Variants in ZNF620 observed in about 807,000 individuals in gnomAD.
ZNF620 encodes the protein zinc finger protein 620.
ZNF620 carries 10 observed loss-of-function variants against 13.3 expected under a neutral mutation model. The ratio of observed to expected loss-of-function variants is 0.75; its 90% CI spans 0.46 to 1.28. The LOEUF is 1.28. Ranked by LOEUF, ZNF620 falls within the 50% of genes most tolerant of loss-of-function variation. The pLI, the probability that ZNF620 is intolerant of heterozygous loss-of-function variation, is 0.00. For synonymous variants in ZNF620, 166 were observed against 177.6 expected, an observed-to-expected ratio of 0.93 and a Z score of 0.52; for missense variants, 461 against 500.2, an observed-to-expected ratio of 0.92 and a Z score of 0.75.
intron 3 of ZNF620, 40 bp from the exon 4 acceptor site, chr3:40,512,362 G>C: frequency 1.3e-6 from 2 of 1,572,212 alleles, no homozygotes; most frequent in Non-Finnish European, 1.7e-6. Context: ...CCTGGTTCCT[G>C]ATTCCCCTTA....
At chr3:40,513,319 AT>A (rs61610948) in intron 4 of ZNF620, among the ~76,000 whole-genome samples, 1,087 of 94,642 alleles carry the variant, frequency 0.011, 12 homozygotes, top group South Asian at 0.015. Flanking sequence ...AAAAAAAAAT[AT>A]ATATATATAT....
intron 4 of ZNF620, among the ~76,000 whole-genome samples, chr3:40,514,815 T>C (rs1358537717): frequency 6.6e-6 from 1 of 152,166 alleles, no homozygotes; most frequent in Non-Finnish European, 1.5e-5. Context: ...TTTTAATCTT[T>C]CTTATTCTGC....
chr3:40,517,005 C>A lies in ZNF620; in HGVS notation c.*142C>A. The A allele has an allele frequency of 1.2e-6, 1 of 866,822 alleles. No homozygotes were observed. Among genetic ancestry groups the A allele is most frequent in the East Asian group, 2.7e-5 (1 of 37,274 alleles). The allele number at this position is 866,822 out of a possible 1,614,324, so 53.7% of individuals were successfully genotyped here. A position where few individuals can be genotyped will look rare whatever the true frequency, so the allele number is the denominator to read the frequency against. ...CTTTAAGTTTTTTGAACCTGTTTCC[C>A]CAACATGAAGTCTCTTTATGGTTAG... On this transcript the variant is annotated 3_prime_UTR_variant, in exon 5 of 5. Coordinates refer to ENST00000314529, the MANE Select transcript of ZNF620 (RefSeq NM_175888.4).
intron 4 of ZNF620, 48 bp from the exon 5 acceptor site, chr3:40,515,811 TG>T: frequency 1.4e-6 from 2 of 1,441,020 alleles, no homozygotes; most frequent in South Asian, 1.3e-5. Context: ...TGTGTGTGTG[TG>T]TGTGTGTGAT....
Position 40,516,821 on chromosome 3 carries a change from G to A in ZNF620, c.1227G>A (p.Leu409=), listed in dbSNP as rs771543229. The change falls in exon 5 of 5, where the codon CTG becomes CTA. Residue 409 remains leucine (L), a synonymous_variant. Transcript: ENST00000314529. ...TCAGCTGGTGTGGAAGATTCATTCT[G>A]CATCAGAAACTACACACTCAGAAGA... is the stretch of plus-strand genomic sequence containing the variant. ...KTFSWCGRFI[L]HQKLHTQKTP... is the part of the protein sequence containing the mutation. 3.7e-6 allele frequency: 6 copies of A among 1,613,168 alleles called. No individual in the cohort carries two copies. Among genetic ancestry groups the A allele is most frequent in the Non-Finnish European group, 5.1e-6 (6 of 1,179,268 alleles).
At chr3:40,506,786 G>A (rs1054507821) in intron 2 of ZNF620, among the ~76,000 whole-genome samples, 19 of 152,140 alleles carry the variant, frequency 1.2e-4, no homozygotes, top group African/African-American at 4.6e-4. Context: ...TTTCCAGTCT[G>A]GATGCCTTTT....
Position 40,506,078 on chromosome 3 carries a change from C to G in ZNF620, c.-110C>G. On this transcript the variant is annotated 5_prime_UTR_variant, in exon 1 of 5. Coordinates refer to ENST00000314529, the MANE Select transcript of ZNF620 (RefSeq NM_175888.4). The stretch of plus-strand genomic sequence containing the variant: ...GTCGGCGGCAGGTGGAATTTCCACG[C>G]TTTATCTGCGCCTGCGCCGCGCGGG... 2 of 551,050 alleles carry G rather than the reference C, an allele frequency of 3.6e-6. No individual in the cohort carries two copies. Among genetic ancestry groups the G allele is most frequent in the Non-Finnish European group, 6.5e-6 (2 of 306,528 alleles). 34.1% of individuals were successfully genotyped at this position (551,050 alleles called of 1,614,324 possible). A position where few individuals can be genotyped will look rare whatever the true frequency, so the allele number is the denominator to read the frequency against.
At chr3:40,510,426 T>C (rs1559549411) in intron 2 of ZNF620, among the ~76,000 whole-genome samples, 1 of 152,258 alleles carries the variant, frequency 6.6e-6, no homozygotes, top group Non-Finnish European at 1.5e-5. Context: ...CTGTTGTGTA[T>C]TCTCATTTTT....
intron 4 of ZNF620, 68 bp from the exon 5 acceptor site, chr3:40,515,791 TG>T: frequency 8.4e-7 from 1 of 1,194,698 alleles, no homozygotes; most frequent in Non-Finnish European, 1.1e-6. Flanking sequence ...TGTGTGTGTG[TG>T]TGTGTGTGTG....
At chr3:40,515,696 C>CACA (rs1248350521) in intron 4 of ZNF620, among the ~76,000 whole-genome samples, 164 bp from the exon 5 acceptor site, 12 of 151,918 alleles carry the variant, frequency 7.9e-5, no homozygotes, top group Non-Finnish European at 4.4e-5. Context: ...TCTTAGGCAG[C>CACA]CATCTTGTGA....
intron 2 of ZNF620, chr3:40,508,802 C>G (rs1698110735): frequency 2.2e-6 from 1 of 456,350 alleles, no homozygotes; most frequent in Non-Finnish European, 4.4e-6. Flanking sequence ...TGGCTCTCTT[C>G]TTTTTCCTAG....
In ZNF620 at chr3:40,515,946, G is replaced by T. The variant is rs1698364673; in HGVS notation, c.352G>T (p.Gly118Cys). ...AGAGTCCTTCAGACTGATGGTGGGG[G>T]GCCTGCCAGGGAATGTTTCCCAGCA... ...ETESFRLMVG[G>C]LPGNVSQHLD... The change falls in exon 5 of 5, where the codon GGC (glycine) becomes TGC (cysteine). Residue 118 changes from glycine (G) to cysteine (C), a missense_variant. Transcript: ENST00000314529. 1.2e-6 allele frequency: 2 copies of T among 1,614,044 alleles called. No homozygotes were observed. Among genetic ancestry groups the T allele is most frequent in the East Asian group, 2.2e-5 (1 of 44,886 alleles).
At chr3:40,507,903 A>G (rs1189373402) in intron 2 of ZNF620, among the ~76,000 whole-genome samples, 1 of 152,210 alleles carries the variant, frequency 6.6e-6, no homozygotes, top group Non-Finnish European at 1.5e-5. Flanking sequence ...ACCTGGGACT[A>G]CAGGCATGCA....
At chr3:40,508,685 G>A (rs1321842306) in intron 2 of ZNF620, 2 of 453,326 alleles carry the variant, frequency 4.4e-6, no homozygotes, top group South Asian at 3.1e-5. Flanking sequence ...CCCAGGCTGA[G>A]TGCAGTGGTG....
chr3:40,511,705 A>G, intron 3 of ZNF620, 109 bp downstream of exon 3: 2 of 1,411,866 alleles, frequency 1.4e-6, no homozygotes, highest in African/African-American at 1.5e-5. Context: ...TTTTGAGACA[A>G]GAGTCTCCCT....
At position 40,516,612 on chromosome 3, in the gene ZNF620, G is replaced by C; in HGVS notation, c.1018G>C (p.Glu340Gln). The change falls in exon 5 of 5, where the codon GAG becomes CAG. Residue 340 changes from glutamate (E) to glutamine (Q), a missense_variant. Physicochemically the swap from Glu to Gln is conservative, Grantham distance 29. Coordinates refer to ENST00000314529, the MANE Select transcript of ZNF620 (RefSeq NM_175888.4). ...TGGGGAGAAACCTTATGAATGTAAA[G>C]AGTGTGGAAAACGATTAAGCTCCAA... ...HTGEKPYECK[E>Q]CGKRLSSNTA... 6.2e-7 allele frequency: 1 copy of C among 1,614,174 alleles called. No individual in the cohort carries two copies. The highest frequency in any genetic ancestry group is 1.1e-5 in the South Asian group (1 of 91,084).
At position 40,516,516 on chromosome 3, in the gene ZNF620, T is replaced by C. The variant is rs1698392475; in HGVS notation, c.922T>C (p.Tyr308His). 1 of 1,614,076 alleles carries C rather than the reference T, an allele frequency of 6.2e-7. No individual in the cohort carries two copies. The highest frequency in any genetic ancestry group is 8.5e-7 in the Non-Finnish European group (1 of 1,180,014). The part of the protein sequence containing the change: ...HQRFHTGEKL[Y>H]ECNECWKTFS... Reference sequence around the variant, plus strand: ...GAGGTTCCACACTGGGGAGAAGCTCTATGAATGTAACGAATGTTGGAAAAC... The same window carrying C: ...GAGGTTCCACACTGGGGAGAAGCTCCATGAATGTAACGAATGTTGGAAAAC... The change falls in exon 5 of 5, where the codon TAT becomes CAT. Residue 308 changes from tyrosine (Y) to histidine (H), a missense_variant. By Grantham distance (83) the Tyr-to-His change is moderately conservative (BLOSUM62 2). Coordinates refer to ENST00000314529, the MANE Select transcript of ZNF620 (RefSeq NM_175888.4).
chr3:40,515,768 TCAG>T, intron 4 of ZNF620, 89 bp from the exon 5 acceptor site: 1 of 1,433,840 alleles, frequency 7.0e-7, no homozygotes, highest in Non-Finnish European at 9.4e-7. Context: ...TGTTTCTTCT[TCAG>T]CACAGATATT....
At position 40,516,744 on chromosome 3, in the gene ZNF620, C is replaced by T. The variant is rs1245929567; in HGVS notation, c.1150C>T (p.Arg384Ter). ...GAAAATAACCCTGATTCAGCACCAG[C>T]GAGTTCACACTGGCGAGAAACCTTA... The part of the protein sequence containing the change: ...NQKITLIQHQ[R>*]VHTGEKPYEC... The change falls in exon 5 of 5, where the codon CGA (arginine) becomes TGA (stop). Residue 384 changes from arginine (R) to a stop codon, truncating the protein, a stop_gained. Coordinates refer to ENST00000314529, the MANE Select transcript of ZNF620 (RefSeq NM_175888.4). LOFTEE classifies it low-confidence loss of function (END_TRUNC). 9 of 1,614,050 alleles carry T rather than the reference C, an allele frequency of 5.6e-6. No individual in the cohort carries two copies. The East Asian group carries it at 1.1e-4, about 20-fold the overall frequency.
Sources: allele counts gnomAD v4.1 joint callset (sites outside exome capture counted in the v4.1 genomes callset), GRCh38; gene constraint gnomAD v4.1.1; transcripts MANE v1.5; gene names NCBI Gene and HGNC (gene_info 2026-07-23, HGNC 2026-07-21).